CDC42BPG: variants seen among roughly 807,000 people sequenced by gnomAD.
CDC42BPG encodes CDC42 binding protein kinase gamma, also known as serine/threonine-protein kinase MRCK gamma.
CDC42BPG carries 157 observed loss-of-function variants against 192.2 expected under a neutral mutation model. That is an observed-to-expected ratio of 0.82 (90% confidence interval 0.72 to 0.93). CDC42BPG has a LOEUF of 0.93. CDC42BPG is among the 40% of genes least tolerant of loss of function. The pLI is 0.00. For synonymous variants in CDC42BPG, 981 were observed against 918.5 expected, an observed-to-expected ratio of 1.07 and a Z score of -1.23; for missense variants, 1,992 against 2,122.1, an observed-to-expected ratio of 0.94 and a Z score of 1.20.
chr11:64,823,499 T>A lies in CDC42BPG; in HGVS notation c.*974A>T, dbSNP rs1393738289. 6.6e-6 allele frequency: 1 copy of A among 152,074 alleles called. No individual in the cohort carries two copies. The highest frequency in any genetic ancestry group is 1.5e-5 in the Non-Finnish European group (1 of 68,014). The allele number at this position is 152,074 out of a possible 1,614,324, so 9.4% of individuals were successfully genotyped here. A position where few individuals can be genotyped will look rare whatever the true frequency, so the allele number is the denominator to read the frequency against. On this transcript the variant is annotated 3_prime_UTR_variant, in exon 37 of 37. Coordinates refer to ENST00000342711, the MANE Select transcript of CDC42BPG (RefSeq NM_017525.3). ...CCCCACACTTCAGTGGGGGGAGGTT[T>A]AATAAAAATAGTAATATAATAACAA...
At chr11:64,837,051 A>T in intron 9 of CDC42BPG, 32 bp from the exon 10 acceptor site, 3 of 1,543,064 alleles carry the variant, frequency 1.9e-6, no homozygotes, top group Non-Finnish European at 2.7e-6. Flanking sequence ...GTTTGTTGGT[A>T]GAAACCTCAC....
intron 30 of CDC42BPG, among the ~76,000 whole-genome samples, chr11:64,828,773 T>C (rs12365878): frequency 0.21 from 31,899 of 152,030 alleles, 4,200 homozygotes; most frequent in East Asian, 0.52. Context: ...AAAATTAGGC[T>C]GGACGCGTTG....
chr11:64,840,481 G>C, intron 4 of CDC42BPG, 72 bp downstream of exon 4: 1 of 1,518,082 alleles, frequency 6.6e-7, no homozygotes, highest in Non-Finnish European at 9.1e-7. Context: ...TTTGGGCCCA[G>C]TGCCCCTGGC....
intron 35 of CDC42BPG, 52 bp downstream of exon 35, chr11:64,826,619 T>G (rs1942429710): frequency 3.2e-6 from 5 of 1,575,366 alleles, no homozygotes; most frequent in African/African-American, 1.4e-5. Context: ...CCAAAGGGGG[T>G]AGAAACTTGG....
In CDC42BPG at chr11:64,844,456, G is replaced by A; in HGVS notation, c.114C>T (p.Ser38=). 3 of 1,470,136 alleles carry A rather than the reference G, an allele frequency of 2.0e-6. No homozygotes were observed. The highest frequency in any genetic ancestry group is 2.7e-6 in the Non-Finnish European group (3 of 1,116,458). The allele number at this position is 1,470,136 out of a possible 1,614,324, so 91.1% of individuals were successfully genotyped here. The change falls in exon 1 of 37, where the codon AGC becomes AGT. Residue 38 remains serine, a synonymous_variant. Coordinates refer to ENST00000342711, the MANE Select transcript of CDC42BPG (RefSeq NM_017525.3). ...CGCTGCGCTCCCGCCGTAGGGGGCC[G>A]CTGCTGAGCTCGTGGTGCAGCGCCA... ...LLLALHHELS[S]GPLRRERSVA...
At position 64,827,067 on chromosome 11, in the gene CDC42BPG, C is replaced by A. The variant is rs374630588; in HGVS notation, c.4372G>T (p.Ala1458Ser). ...HVGPANGRPG[A>S]RDKSPAPEEK... ...GGACTAACCGGGGACTTGTCCCTGG[C>A]GCCGGGCCGCCCGTTGGCAGGGCCC... Residue 1458 changes from alanine to serine, a missense_variant, in exon 34 of 37, where the codon GCC becomes TCC. Ala to Ser is a moderately conservative substitution (Grantham distance 99). This residue lies in a region of CDC42BPG where 336 missense variants were observed against 277.9 expected (regional missense o/e 1.21). Transcript: ENST00000342711. The A allele has an allele frequency of 7.2e-5, 116 of 1,611,554 alleles. No homozygotes were observed. The highest frequency in any genetic ancestry group is 8.9e-5 in the Non-Finnish European group (105 of 1,178,022).
At position 64,832,363 on chromosome 11, in the gene CDC42BPG, T is replaced by A. The variant is rs1424505527; in HGVS notation, c.3087+65A>T. The A allele has an allele frequency of 4.0e-6, 6 of 1,516,006 alleles. No homozygotes were observed. In the African/African-American group the frequency reaches 8.2e-5, roughly 21 times the overall value. 93.9% of individuals were successfully genotyped at this position (1,516,006 alleles called of 1,614,324 possible). Reference sequence around the variant, plus strand: ...AGGGCAGTATGAAGTGGGGGGACAGTGGCCAGAGCTGGGACAGCATGGGGA... The same window carrying A: ...AGGGCAGTATGAAGTGGGGGGACAGAGGCCAGAGCTGGGACAGCATGGGGA... On this transcript the variant is annotated intron_variant, in intron 27 of 36. Transcript: ENST00000342711.
chr11:64,834,328 C>T lies in CDC42BPG; in HGVS notation c.2351G>A (p.Ser784Asn). 6.3e-7 allele frequency: 1 copy of T among 1,575,274 alleles called. No homozygotes were observed. Among genetic ancestry groups the T allele is most frequent in the Non-Finnish European group, 8.6e-7 (1 of 1,164,726 alleles). ...ERRLQEAEKQ[S>N]QALQQELAML... ...GGCGAGCTCCTGTTGCAGGGCCTGG[C>T]TCTGCTTCTCGGCCTCCTGCAGACG... Residue 784 changes from serine (S) to asparagine (N), a missense_variant, in exon 20 of 37, where the codon AGC becomes AAC. Physicochemically the swap from Ser to Asn is conservative, Grantham distance 46 (BLOSUM62 1). Transcript: ENST00000342711.
At position 64,836,705 on chromosome 11, in the gene CDC42BPG, C is replaced by CCGGGGGG. The variant is rs1192864769; in HGVS notation, c.1384+33_1384+34insCCCCCCG. 2,768 of 347,790 alleles carry CCGGGGGG rather than the reference C, an allele frequency of 8.0e-3. 925 individuals are homozygous for CCGGGGGG. The highest frequency in any genetic ancestry group is 0.012 in the South Asian group (338 of 29,098). 21.5% of individuals were successfully genotyped at this position (347,790 alleles called of 1,614,324 possible). ...ACCCGAGCCCAGGTGGGACTCAGCCCTGGGGGGGGGGGGGGGGTGGGCGGA... is the reference window on the plus strand; with the variant it reads ...ACCCGAGCCCAGGTGGGACTCAGCCCCGGGGGGTGGGGGGGGGGGGGGGGTGGGCGGA... On this transcript the variant is annotated intron_variant, in intron 11 of 36. Coordinates refer to ENST00000342711, the MANE Select transcript of CDC42BPG (RefSeq NM_017525.3).
intron 12 of CDC42BPG, 47 bp downstream of exon 12, chr11:64,836,380 A>ACCTCACCCACCTCACCCACCTCACCCAGC (rs1555172957): frequency 2.9e-5 from 46 of 1,604,710 alleles, no homozygotes; most frequent in South Asian, 3.3e-5. Context: ...CCACTCACCC[A>ACCTCACCCACCTCACCCACCTCACCCAGC]CCTCACCCAC....
chr11:64,823,140 G>A lies in CDC42BPG; in HGVS notation c.*1333C>T, dbSNP rs1044977460. 6.1e-5 allele frequency among the ~76,000 whole-genome samples: 9 copies of A among 148,196 alleles called. No homozygotes were observed. The highest frequency in any genetic ancestry group is 1.2e-4 in the Non-Finnish European group (8 of 67,230). On this transcript the variant is annotated 3_prime_UTR_variant, in exon 37 of 37. Transcript: ENST00000342711. ...CTCACTCTGTCACCCAGGCTGGAGT[G>A]CAGTGGCGCGATCTCGGCTCACTGC...
At position 64,842,086 on chromosome 11, in the gene CDC42BPG, G is replaced by A. The variant is rs369091301; in HGVS notation, c.161-182C>T. On this transcript the variant is annotated intron_variant, in intron 1 of 36. Coordinates refer to ENST00000342711, the MANE Select transcript of CDC42BPG (RefSeq NM_017525.3). ...GCTCCTTTGGCCATGATCAGGAAGT[G>A]CGGAAGGTCAGAGGCCGGGCTCAGC... Among the ~76,000 whole-genome samples the A allele has an allele frequency of 1.2e-4, 18 of 152,304 alleles. 2 individuals are homozygous for A. Among genetic ancestry groups the A allele is most frequent in the Admixed American group, 7.8e-4 (12 of 15,304 alleles).
Position 64,823,788 on chromosome 11 carries a change from A to G in CDC42BPG, c.*685T>C, listed in dbSNP as rs1436989251. ...CACTGCACCCCTCCCCAGAGAAAGG[A>G]CCCTTTGTTCTCCAGACTCCCTCTC... is the stretch of plus-strand genomic sequence containing the variant. On this transcript the variant is annotated 3_prime_UTR_variant, in exon 37 of 37. Coordinates refer to ENST00000342711, the MANE Select transcript of CDC42BPG (RefSeq NM_017525.3). The G allele has an allele frequency of 6.5e-6, 1 of 153,056 alleles. No homozygotes were observed. The highest frequency in any genetic ancestry group is 1.5e-5 in the Non-Finnish European group (1 of 68,808). 9.5% of individuals were successfully genotyped at this position (153,056 alleles called of 1,614,324 possible). A position where few individuals can be genotyped will look rare whatever the true frequency, so the allele number is the denominator to read the frequency against.
chr11:64,836,070 C>A, intron 13 of CDC42BPG, 47 bp downstream of exon 13: 1 of 1,535,336 alleles, frequency 6.5e-7, no homozygotes, highest in Non-Finnish European at 8.8e-7. Context: ...TCCAGGCACA[C>A]TGGGGGCAGG....
Position 64,829,619 on chromosome 11 carries a change from G to A in CDC42BPG, c.3819C>T (p.Arg1273=), listed in dbSNP as rs375845087. Residue 1273 remains arginine, a synonymous_variant, in exon 30 of 37, where the codon CGC becomes CGT. Coordinates refer to ENST00000342711, the MANE Select transcript of CDC42BPG (RefSeq NM_017525.3). ...CACCCAGTGCCTCACCCAGGCCCCCGCGGGATGGTGGCAGCTCCTCAGGCA... is the reference window on the plus strand; with the variant it reads ...CACCCAGTGCCTCACCCAGGCCCCCACGGGATGGTGGCAGCTCCTCAGGCA... ...GLVPEELPPS[R]GGLGEALGAV... 4.8e-5 allele frequency: 78 copies of A among 1,611,462 alleles called. No homozygotes were observed. Among genetic ancestry groups the A allele is most frequent in the Non-Finnish European group, 5.8e-5 (68 of 1,179,392 alleles).
At chr11:64,834,193 C>G (rs1046681123) in intron 20 of CDC42BPG, 73 bp downstream of exon 20, 4 of 1,465,198 alleles carry the variant, frequency 2.7e-6, no homozygotes, top group Non-Finnish European at 2.8e-6. Flanking sequence ...GCCAGGCCAT[C>G]GTGGAGCCCC....
rs754545724 is a variant in CDC42BPG, at chr11:64,844,521, C to T, written c.49G>A (p.Gly17Ser). 3 of 1,317,434 alleles carry T rather than the reference C, an allele frequency of 2.3e-6. No homozygotes were observed. The highest frequency in any genetic ancestry group is 1.9e-6 in the Non-Finnish European group (2 of 1,034,232). The allele number at this position is 1,317,434 out of a possible 1,614,324, so 81.6% of individuals were successfully genotyped here. A position where few individuals can be genotyped will look rare whatever the true frequency, so the allele number is the denominator to read the frequency against. Residue 17 changes from glycine (G) to serine (S), a missense_variant, in exon 1 of 37, where the codon GGC becomes AGC. By Grantham distance (56) the Gly-to-Ser change is moderately conservative. This residue lies in a region of CDC42BPG where 1,656 missense variants were observed against 1,844.3 expected (regional missense o/e 0.90). Coordinates refer to ENST00000342711, the MANE Select transcript of CDC42BPG (RefSeq NM_017525.3). The stretch of plus-strand genomic sequence containing the variant: ...AGGCCGTCGAGCCCCGGGCAGCCGC[C>T]GGCCTCGCCCCGCGCCAGCTGCTCC... ...ALEQLARGEA[G>S]GCPGLDGLLD...
chr11:64,826,218 G>A (rs1479040517), intron 36 of CDC42BPG, among the ~76,000 whole-genome samples: 1 of 152,174 alleles, frequency 6.6e-6, no homozygotes, highest in Admixed American at 6.5e-5. Context: ...GATCAGGGAG[G>A]TTGGGCATTT....
rs1468923808 is a variant in CDC42BPG, at chr11:64,824,232, C to CTA, written c.*239_*240dup. 3.4e-6 allele frequency: 2 copies of CTA among 591,812 alleles called. No individual in the cohort carries two copies. The highest frequency in any genetic ancestry group is 3.1e-6 in the Non-Finnish European group (1 of 325,538). The allele number at this position is 591,812 out of a possible 1,614,324, so 36.7% of individuals were successfully genotyped here. On this transcript the variant is annotated 3_prime_UTR_variant, in exon 37 of 37. Coordinates refer to ENST00000342711, the MANE Select transcript of CDC42BPG (RefSeq NM_017525.3). The stretch of plus-strand genomic sequence containing the variant: ...GGACACCAGAACAAAAGGGGCCATT[C>CTA]TATTCCCAATGGCTTAGAAAGGCTG...
Sources: allele counts gnomAD v4.1 joint callset (sites outside exome capture counted in the v4.1 genomes callset), GRCh38; gene constraint gnomAD v4.1.1; regional missense constraint gnomAD v4.1.1; transcripts MANE v1.5; gene names NCBI Gene and HGNC (gene_info 2026-07-23, HGNC 2026-07-21).